AGBL1: variants seen among roughly 807,000 people sequenced by gnomAD.
AGBL1 encodes the protein cytosolic carboxypeptidase 4.
In AGBL1, 130 loss-of-function variants were observed where a neutral mutation model predicts 118.9. That is an observed-to-expected ratio of 1.09 (90% confidence interval 0.95 to 1.26). AGBL1 has a LOEUF of 1.26. Among genes scored for constraint, AGBL1 ranks in the 50% most tolerant of loss-of-function variants. AGBL1 has a pLI of 0.00. For synonymous variants in AGBL1, 555 were observed against 478.9 expected (o/e 1.16, Z -2.08); for missense variants, 1,584 against 1,298.1 (o/e 1.22, Z -3.38).
rs182959777 is a variant in AGBL1, at chr15:86,211,309, G to A, written c.489-13605G>A. Among the ~76,000 whole-genome samples, 627 of 152,322 alleles carry A rather than the reference G, an allele frequency of 4.1e-3. 6 individuals carry two copies. Among genetic ancestry groups the A allele is most frequent in the South Asian group, 0.011 (54 of 4,820 alleles). ...CACAGGGGTCAGGGATCCACTTGAG[G>A]AGGCAGTTTGTCCATTCTCAGAGCT... On this transcript the variant is annotated intron_variant, in intron 5 of 22. Coordinates refer to ENST00000614907, the MANE Select transcript of AGBL1 (RefSeq NM_001386094.1).
rs148060268 is a variant in AGBL1 at position 86,143,451 on chromosome 15, C to G, written c.116-248C>G. Reference sequence around the variant, plus strand: ...TATTCAACAGAATCTCAGATAAGCTCTATTTATTACAGCTGTTGCAGCTGA... The same window carrying G: ...TATTCAACAGAATCTCAGATAAGCTGTATTTATTACAGCTGTTGCAGCTGA... On this transcript the variant is annotated intron_variant, in intron 2 of 22. Coordinates refer to ENST00000614907, the MANE Select transcript of AGBL1 (RefSeq NM_001386094.1). 3.3e-5 allele frequency among the ~76,000 whole-genome samples: 5 copies of G among 152,282 alleles called. No individual in the cohort carries two copies. The East Asian group carries it at 9.6e-4, about 29-fold the overall frequency.
Position 86,115,938 on chromosome 15 carries a change from G to C in AGBL1, c.52-26066G>C, listed in dbSNP as rs553045392. On this transcript the variant is annotated intron_variant, in intron 1 of 22. Transcript: ENST00000614907. ...ATTAGTAGGGCTCATTTCTCTCTCA[G>C]AAGATTTCAGTCATGTCATCCTATA... Among the ~76,000 whole-genome samples the C allele has an allele frequency of 2.6e-5, 4 of 152,172 alleles. No homozygotes were observed. In the South Asian group the frequency reaches 8.3e-4, roughly 32 times the overall value.
At chr15:86,855,688 AG>A (rs1182471197) in intron 22 of AGBL1, among the ~76,000 whole-genome samples, 2 of 152,246 alleles carry the variant, frequency 1.3e-5, no homozygotes, top group Admixed American at 1.3e-4. Context: ...GTGTAATTAG[AG>A]CAAAAACCTT....
chr15:86,899,681 G>C (rs1336133003), intron 22 of AGBL1, among the ~76,000 whole-genome samples: 1 of 152,108 alleles, frequency 6.6e-6, no homozygotes, highest in African/African-American at 2.4e-5. Context: ...CAATTCATCT[G>C]AATTAGTTGT....
chr15:86,858,138 G>A (rs1313376284), intron 22 of AGBL1, among the ~76,000 whole-genome samples: 1 of 152,110 alleles, frequency 6.6e-6, no homozygotes, highest in Admixed American at 6.6e-5. Flanking sequence ...AATATCTGTA[G>A]CACAGATTCA....
intron 22 of AGBL1, among the ~76,000 whole-genome samples, chr15:86,869,976 C>T (rs1029983377): frequency 1.2e-4 from 19 of 152,126 alleles, no homozygotes; most frequent in African/African-American, 4.6e-4. Flanking sequence ...AATCCATTGC[C>T]CGCAAGTTTC....
chr15:86,827,470 CATATATATATATATGTGTGTATATAT>C (rs1567194917), intron 22 of AGBL1, among the ~76,000 whole-genome samples: 23 of 5,786 alleles, frequency 4.0e-3, no homozygotes, highest in African/African-American at 8.5e-3. Flanking sequence ...TATATATATA[CATATATATATATATGTGTGTATATAT>C]ATATATATAT....
chr15:86,212,263 A>G (rs909315178), intron 5 of AGBL1, among the ~76,000 whole-genome samples: 1 of 152,268 alleles, frequency 6.6e-6, no homozygotes, highest in Non-Finnish European at 1.5e-5. Context: ...ACTAATGTGA[A>G]GTCAGATACA....
At chr15:86,969,706 T>C (rs1405147469) in intron 23 of AGBL1, among the ~76,000 whole-genome samples, 2 of 151,968 alleles carry the variant, frequency 1.3e-5, no homozygotes, top group African/African-American at 4.8e-5. Context: ...CAGATATTTG[T>C]TGGTTGAATT....
intron 17 of AGBL1, among the ~76,000 whole-genome samples, chr15:86,309,779 C>T (rs79113941): frequency 0.015 from 2,229 of 152,258 alleles, 64 homozygotes; most frequent in African/African-American, 0.05. Flanking sequence ...AGAGATAAAT[C>T]CCCCTTGATC....
chr15:86,359,101 C>T (rs779127077), intron 17 of AGBL1, among the ~76,000 whole-genome samples: 2 of 151,878 alleles, frequency 1.3e-5, no homozygotes, highest in Non-Finnish European at 2.9e-5. Flanking sequence ...TCACCCAGGC[C>T]AATATTAACA....
chr15:86,175,824 G>GT (rs2077474498), intron 5 of AGBL1, among the ~76,000 whole-genome samples: 1 of 152,046 alleles, frequency 6.6e-6, no homozygotes, highest in African/African-American at 2.4e-5. Flanking sequence ...TTGAGTTCTA[G>GT]TTTTATTCCA....
intron 23 of AGBL1, among the ~76,000 whole-genome samples, chr15:86,959,328 T>G (rs990389808): frequency 1.4e-4 from 21 of 151,962 alleles, no homozygotes; most frequent in Admixed American, 1.2e-3. Flanking sequence ...ATAAAATGAG[T>G]AGTTCAACAT....
At chr15:86,885,170 T>C (rs987833285) in intron 22 of AGBL1, among the ~76,000 whole-genome samples, 2 of 152,174 alleles carry the variant, frequency 1.3e-5, no homozygotes, top group Non-Finnish European at 2.9e-5. Context: ...TACAATATCA[T>C]GGTTTTGTTA....
At chr15:86,650,053 T>C (rs2142492038) in intron 21 of AGBL1, among the ~76,000 whole-genome samples, 2 of 152,328 alleles carry the variant, frequency 1.3e-5, no homozygotes, top group South Asian at 4.1e-4. Flanking sequence ...TTTATGGACA[T>C]GTAAAAATAG....
intron 22 of AGBL1, among the ~76,000 whole-genome samples, chr15:86,876,378 G>C (rs1345644557): frequency 1.3e-5 from 2 of 152,250 alleles, no homozygotes; most frequent in Middle Eastern, 6.8e-3. Flanking sequence ...CCGATGGAGG[G>C]CATTCAGAAT....
intron 24 of AGBL1, among the ~76,000 whole-genome samples, chr15:87,022,331 T>C (rs2081673873): frequency 6.6e-6 from 1 of 152,036 alleles, no homozygotes; most frequent in East Asian, 1.9e-4. Flanking sequence ...CTGATTTACC[T>C]GAAAAAGAAT....
chr15:86,225,035 T>C, intron 6 of AGBL1, 84 bp downstream of exon 6: 1 of 759,426 alleles, frequency 1.3e-6, no homozygotes, highest in Non-Finnish European at 1.8e-6. Flanking sequence ...GGCTGTTTCT[T>C]TTTTTTTTTT....
At chr15:86,721,592 G>T (rs1889708199) in intron 22 of AGBL1, among the ~76,000 whole-genome samples, 1 of 152,152 alleles carries the variant, frequency 6.6e-6, no homozygotes, top group Admixed American at 6.5e-5. Context: ...TTGAAAACTG[G>T]CACAAGACAG....
Sources: allele counts gnomAD v4.1 joint callset (sites outside exome capture counted in the v4.1 genomes callset), GRCh38; gene constraint gnomAD v4.1.1; transcripts MANE v1.5; gene names NCBI Gene and HGNC (gene_info 2026-07-23, HGNC 2026-07-21).